The following IFT81 variants were observed in gnomAD, a reference collection of about 807,000 sequenced individuals.
IFT81 encodes the protein intraflagellar transport 81.
In IFT81, 72 loss-of-function variants were observed where a neutral mutation model predicts 102.6. The ratio of observed to expected loss-of-function variants is 0.70; its 90% CI spans 0.58 to 0.85. The LOEUF (loss-of-function observed/expected upper bound fraction) is 0.85. IFT81 is among the 40% of genes least tolerant of loss of function. The probability of loss-of-function intolerance (pLI) is 0.00; values close to 1 mark genes in which losing one functional copy is unlikely to be tolerated. For missense variants in IFT81, 723 were observed against 787.3 expected (o/e 0.92, Z 0.98); for synonymous variants, 237 against 242.7 (o/e 0.98, Z 0.22).
intron 11 of IFT81, among the ~76,000 whole-genome samples, chr12:110,163,909 C>G (rs1362579162): frequency 6.6e-6 from 1 of 151,798 alleles, no homozygotes; most frequent in Admixed American, 6.6e-5. Context: ...CCACTGCACC[C>G]GGCCCCAAAT....
intron 8 of IFT81, among the ~76,000 whole-genome samples, chr12:110,142,288 C>A (rs752163917): frequency 6.6e-6 from 1 of 152,068 alleles, no homozygotes; most frequent in Non-Finnish European, 1.5e-5. Flanking sequence ...GTTCCTCAGC[C>A]TCCCAAGTAG....
chr12:110,185,719 A>G (rs964348460), intron 12 of IFT81, among the ~76,000 whole-genome samples: 1 of 151,984 alleles, frequency 6.6e-6, no homozygotes, highest in African/African-American at 2.4e-5. Flanking sequence ...TGATTCTCCC[A>G]AGTACCTGGG....
intron 11 of IFT81, among the ~76,000 whole-genome samples, chr12:110,163,865 C>T (rs1359392969): frequency 6.6e-6 from 1 of 150,762 alleles, no homozygotes; most frequent in East Asian, 2.0e-4. Flanking sequence ...CTGCCCGCCT[C>T]GGCCTCCCAG....
At position 110,143,455 on chromosome 12, in the gene IFT81, A is replaced by C. The variant is rs1241722978; in HGVS notation, c.855A>C (p.Leu285Phe). ...TAACTGAAAAATTTCCTAAAGAATT[A>C]GAAAATAAGAAAAAGGAATTACATT... ...YMVTEKFPKE[L>F]ENKKKELHFL... is the part of the protein sequence containing the mutation. The change falls in exon 9 of 19, where the codon TTA becomes TTC. Residue 285 changes from leucine to phenylalanine, a missense_variant. Physicochemically the swap from Leu to Phe is conservative, Grantham distance 22. Coordinates refer to ENST00000242591, the MANE Select transcript of IFT81 (RefSeq NM_014055.4). The C allele has an allele frequency of 1.3e-6, 2 of 1,551,744 alleles. No individual in the cohort carries two copies. The highest frequency in any genetic ancestry group is 1.7e-6 in the Non-Finnish European group (2 of 1,157,682).
chr12:110,133,012 T>A (rs1362046256), intron 5 of IFT81, among the ~76,000 whole-genome samples: 1 of 149,520 alleles, frequency 6.7e-6, no homozygotes, highest in Non-Finnish European at 1.5e-5. Context: ...ACTCTGTCAT[T>A]CAGACTGGAG....
At chr12:110,215,202 T>C (rs2137617977) in intron 18 of IFT81, among the ~76,000 whole-genome samples, 1 of 152,070 alleles carries the variant, frequency 6.6e-6, no homozygotes, top group East Asian at 1.9e-4. Context: ...AACTAGTATA[T>C]TGACCGTATG....
At chr12:110,153,386 C>A (rs1380901552) in intron 10 of IFT81, among the ~76,000 whole-genome samples, 1 of 150,998 alleles carries the variant, frequency 6.6e-6, no homozygotes, top group Admixed American at 6.6e-5. Context: ...AGGCATGCAC[C>A]ACCATGCCAG....
rs899874735 is a variant in IFT81 at position 110,137,070 on chromosome 12, G to A, written c.781+210G>A. On this transcript the variant is annotated intron_variant, in intron 8 of 18. Transcript: ENST00000242591. ...TTTAAAAATTCCTAACCAGATGGCCGGGTGCAGTGGCTCATGCCTATAATC... is the reference window on the plus strand; with the variant it reads ...TTTAAAAATTCCTAACCAGATGGCCAGGTGCAGTGGCTCATGCCTATAATC... Among the ~76,000 whole-genome samples, 2 of 152,168 alleles carry A rather than the reference G, an allele frequency of 1.3e-5. 1 individual carries two copies. The highest frequency in any genetic ancestry group is 4.1e-4 in the South Asian group (2 of 4,834).
chr12:110,146,705 A>C (rs1895242991), intron 9 of IFT81, among the ~76,000 whole-genome samples: 1 of 152,100 alleles, frequency 6.6e-6, no homozygotes, highest in Non-Finnish European at 1.5e-5. Context: ...GCCATGGCTC[A>C]CGTCTGTAAT....
rs771512489 is a variant in IFT81 at position 110,135,317 on chromosome 12, C to G, written c.586-10C>G. On this transcript the variant is annotated splice_polypyrimidine_tract_variant and intron_variant, in intron 6 of 18. Coordinates refer to ENST00000242591, the MANE Select transcript of IFT81 (RefSeq NM_014055.4). ...GACAGTAACATGTACTACTTATTCC[C>G]TTACTGTAGGTTGAGACAGCTCAGA... The G allele has an allele frequency of 6.4e-7, 1 of 1,561,568 alleles. No individual in the cohort carries two copies. The highest frequency in any genetic ancestry group is 1.8e-5 in the Admixed American group (1 of 54,704).
intron 12 of IFT81, among the ~76,000 whole-genome samples, chr12:110,187,254 GTTGTTT>G (rs149716061): frequency 0.16 from 24,774 of 151,430 alleles, 2,715 homozygotes; most frequent in Admixed American, 0.28. Context: ...ATCTATTCCT[GTTGTTT>G]TTGTTTTTGT....
chr12:110,196,542 A>G (rs888338347), intron 14 of IFT81, among the ~76,000 whole-genome samples: 1 of 152,006 alleles, frequency 6.6e-6, no homozygotes, highest in Admixed American at 6.6e-5. Flanking sequence ...AACAAACAAA[A>G]TCTTCCTGGT....
At chr12:110,199,399 A>G (rs762978798) in intron 14 of IFT81, among the ~76,000 whole-genome samples, 6 of 152,190 alleles carry the variant, frequency 3.9e-5, no homozygotes, top group African/African-American at 7.2e-5. Context: ...AAATATCACA[A>G]ACTTGGAGCT....
At chr12:110,216,553 T>C (rs1164984273) in intron 18 of IFT81, 2 of 453,732 alleles carry the variant, frequency 4.4e-6, no homozygotes, top group Non-Finnish European at 8.8e-6. Context: ...AATCTCACTC[T>C]GTTGCCCAGG....
intron 11 of IFT81, chr12:110,168,484 G>C (rs770194331): frequency 1.0e-6 from 1 of 966,116 alleles, no homozygotes; most frequent in African/African-American, 1.8e-5. Context: ...TGTTACTAAC[G>C]CAGCTTTAAA....
At chr12:110,205,346 C>T in intron 15 of IFT81, 97 bp from the exon 16 acceptor site, 1 of 1,324,252 alleles carries the variant, frequency 7.6e-7, no homozygotes, top group South Asian at 1.7e-5. Flanking sequence ...GAGGAAATGA[C>T]TCTGATGGTA....
At chr12:110,132,225 G>T (rs1894202562) in intron 4 of IFT81, among the ~76,000 whole-genome samples, 1 of 152,158 alleles carries the variant, frequency 6.6e-6, no homozygotes, top group East Asian at 1.9e-4. Context: ...AGCACTTTGG[G>T]AGGCCAAAGC....
chr12:110,155,414 G>T (rs1017591638), intron 10 of IFT81, among the ~76,000 whole-genome samples: 3 of 151,748 alleles, frequency 2.0e-5, no homozygotes, highest in Non-Finnish European at 2.9e-5. Flanking sequence ...TAGTTCAAGC[G>T]ATTCTCCTGC....
At chr12:110,153,924 C>T (rs935252677) in intron 10 of IFT81, among the ~76,000 whole-genome samples, 3 of 151,360 alleles carry the variant, frequency 2.0e-5, no homozygotes, top group Non-Finnish European at 4.4e-5. Flanking sequence ...GCCTGGTATT[C>T]GTTAATTTAA....
Sources: allele counts gnomAD v4.1 joint callset (sites outside exome capture counted in the v4.1 genomes callset), GRCh38; gene constraint gnomAD v4.1.1; transcripts MANE v1.5; gene names NCBI Gene and HGNC (gene_info 2026-07-23, HGNC 2026-07-21).